Variants in PHAF1 observed in about 807,000 individuals in gnomAD.
The protein encoded by PHAF1 is phagosome assembly factor 1.
A neutral mutation model predicts 63.1 loss-of-function variants in PHAF1; 23 were observed. That is an observed-to-expected ratio of 0.36 (90% confidence interval 0.26 to 0.52). The LOEUF is 0.52. PHAF1 is among the 20% of genes least tolerant of loss of function. PHAF1 has a pLI of 0.93. For missense variants in PHAF1, 427 were observed against 517.2 expected, an observed-to-expected ratio of 0.83 and a Z score of 1.69; for synonymous variants, 167 against 185.0, an observed-to-expected ratio of 0.90 and a Z score of 0.79.
At chr16:67,132,256 C>T in intron 4 of PHAF1, 190 bp from the exon 5 acceptor site, 3 of 571,830 alleles carry the variant, frequency 5.2e-6, no homozygotes. Flanking sequence ...ATATCAGCCT[C>T]ATGAGAACTG....
intron 10 of PHAF1, among the ~76,000 whole-genome samples, chr16:67,140,860 T>G (rs1364564394): frequency 6.6e-6 from 1 of 152,220 alleles, no homozygotes; most frequent in Non-Finnish European, 1.5e-5. Context: ...ATGGAGGCCT[T>G]GGAAATCATT....
At chr16:67,122,036 C>CT (rs1414145585) in intron 2 of PHAF1, among the ~76,000 whole-genome samples, 2 of 151,502 alleles carry the variant, frequency 1.3e-5, no homozygotes, top group Non-Finnish European at 2.9e-5. Flanking sequence ...TAGCTGGGAC[C>CT]ACAGGTTCAT....
Position 67,122,222 on chromosome 16 carries a change from A to G in PHAF1, c.147+2028A>G, listed in dbSNP as rs530347585. Among the ~76,000 whole-genome samples the G allele has an allele frequency of 5.7e-4, 87 of 152,282 alleles. 1 individual carries two copies. The highest frequency in any genetic ancestry group is 1.1e-3 in the Non-Finnish European group (73 of 68,018). On this transcript the variant is annotated intron_variant, in intron 2 of 15. Coordinates refer to ENST00000219139, the MANE Select transcript of PHAF1 (RefSeq NM_025187.5). ...GCCAAAATGTATTTCTTATATCACC[A>G]TCATCATTGTCTGTTATTCCAGTAT...
At chr16:67,114,537 G>A (rs1267478123) in intron 1 of PHAF1, among the ~76,000 whole-genome samples, 1 of 149,708 alleles carries the variant, frequency 6.7e-6, no homozygotes, top group Non-Finnish European at 1.5e-5. Flanking sequence ...AACAGGAGCT[G>A]GAAATCTTCC....
Position 67,110,189 on chromosome 16 carries a change from AG to A in PHAF1, c.16del (p.Val6Ter), listed in dbSNP as rs1463788531. ...CGAGCCGAACCAATGCTGGACCTGG[AG>A]GTAGTGCCCGAACGCTCTCTGGGGA... MLDL[E>X]VVPERSLGNE... On this transcript the variant is annotated frameshift_variant, in exon 1 of 16. Transcript: ENST00000219139. LOFTEE classifies it high-confidence loss of function. 6.4e-7 allele frequency: 1 copy of A among 1,552,638 alleles called. No individual in the cohort carries two copies. Among genetic ancestry groups the A allele is most frequent in the Non-Finnish European group, 8.7e-7 (1 of 1,147,722 alleles).
At chr16:67,121,185 C>A (rs966059420) in intron 2 of PHAF1, among the ~76,000 whole-genome samples, 1 of 151,010 alleles carries the variant, frequency 6.6e-6, no homozygotes, top group Non-Finnish European at 1.5e-5. Context: ...TAGGAGTGGG[C>A]AGGGGTTTCT....
Position 67,125,993 on chromosome 16 carries a change from C to T in PHAF1, c.182C>T (p.Thr61Ile), listed in dbSNP as rs762898305. The T allele has an allele frequency of 1.2e-6, 2 of 1,612,874 alleles. No homozygotes were observed. Among genetic ancestry groups the T allele is most frequent in the South Asian group, 2.2e-5 (2 of 91,064 alleles). The change falls in exon 3 of 16, where the codon ACT (threonine) becomes ATT (isoleucine). Residue 61 changes from threonine to isoleucine, a missense_variant. Physicochemically the swap from Thr to Ile is moderately conservative, Grantham distance 89. Coordinates refer to ENST00000219139, the MANE Select transcript of PHAF1 (RefSeq NM_025187.5). ...AGCCATGACCTCATTCTTAACCTGACTCAGGACGGGATCAAACTAATGTTT... is the reference window on the plus strand; with the variant it reads ...AGCCATGACCTCATTCTTAACCTGATTCAGGACGGGATCAAACTAATGTTT... ...PLSHDLILNL[T>I]QDGIKLMFDA...
In PHAF1 at chr16:67,117,199, A is replaced by ATTTTT. The variant is rs750308105; in HGVS notation, c.65-2894_65-2890dup. On this transcript the variant is annotated intron_variant, in intron 1 of 15. Transcript: ENST00000219139. ...AGGCACACACCACCATGCCCAGCTA[A>ATTTTT]TTTTTTTTTTTTTTTTTTTTTTTGT... Among the ~76,000 whole-genome samples, 376 of 111,940 alleles carry ATTTTT rather than the reference A, an allele frequency of 3.4e-3. 5 individuals carry two copies. The highest frequency in any genetic ancestry group is 0.014 in the African/African-American group (346 of 25,106). The allele number at this position is 111,940 out of a possible 152,430, so 73.4% of individuals were successfully genotyped here.
At chr16:67,126,619 A>T (rs1597197467) in intron 3 of PHAF1, among the ~76,000 whole-genome samples, 2 of 130,266 alleles carry the variant, frequency 1.5e-5, no homozygotes. Context: ...TTTTGAGATG[A>T]GGTCTAGCTC....
intron 10 of PHAF1, among the ~76,000 whole-genome samples, chr16:67,143,399 G>A (rs933738472): frequency 4.6e-5 from 7 of 152,058 alleles, no homozygotes; most frequent in Admixed American, 6.5e-5. Context: ...TTAGCCGGGC[G>A]TGGTGGTGTG....
chr16:67,133,497 ATAT>A (rs1963485064), intron 6 of PHAF1, among the ~76,000 whole-genome samples: 1 of 147,292 alleles, frequency 6.8e-6, no homozygotes, highest in Non-Finnish European at 1.5e-5. Flanking sequence ...TCTACCAAAA[ATAT>A]TAAAAAAAAA....
intron 10 of PHAF1, among the ~76,000 whole-genome samples, chr16:67,142,938 G>A (rs1002848382): frequency 1.3e-5 from 2 of 152,226 alleles, no homozygotes; most frequent in African/African-American, 4.8e-5. Context: ...ATAGGTGACA[G>A]GGAAGATGGA....
intron 5 of PHAF1, 60 bp downstream of exon 5, chr16:67,132,585 C>T: frequency 6.6e-7 from 1 of 1,520,798 alleles, no homozygotes. Context: ...AATAAACCTG[C>T]CCGGTAGTGC....
chr16:67,140,606 T>C lies in PHAF1; in HGVS notation c.879+12T>C. The C allele has an allele frequency of 3.2e-6, 5 of 1,550,688 alleles. No individual in the cohort carries two copies. The highest frequency in any genetic ancestry group is 4.5e-6 in the Non-Finnish European group (5 of 1,122,410). On this transcript the variant is annotated intron_variant, in intron 10 of 15. Coordinates refer to ENST00000219139, the MANE Select transcript of PHAF1 (RefSeq NM_025187.5). ...TCACTCTTGGAGTGGTAAGTTGTGA[T>C]TCCTCAGAGAAGCCCTTCATTTCTA...
At chr16:67,123,291 A>T (rs970706913) in intron 2 of PHAF1, among the ~76,000 whole-genome samples, 1 of 151,670 alleles carries the variant, frequency 6.6e-6, no homozygotes, top group Non-Finnish European at 1.5e-5. Flanking sequence ...AAAAAAAAAA[A>T]TTTGGCCAGG....
intron 10 of PHAF1, among the ~76,000 whole-genome samples, chr16:67,142,003 A>ATT (rs1350478303): frequency 6.6e-6 from 1 of 152,204 alleles, no homozygotes; most frequent in African/African-American, 2.4e-5. Flanking sequence ...GCCAGGAAGA[A>ATT]TGAGGTATGC....
intron 1 of PHAF1, among the ~76,000 whole-genome samples, chr16:67,113,122 A>G (rs1168867573): frequency 6.6e-6 from 1 of 152,228 alleles, no homozygotes; most frequent in Non-Finnish European, 1.5e-5. Context: ...ATGATAAACA[A>G]AAGTCGCCAA....
At position 67,111,081 on chromosome 16, in the gene PHAF1, T is replaced by A. The variant is rs943368881; in HGVS notation, c.64+842T>A. On this transcript the variant is annotated intron_variant, in intron 1 of 15. Coordinates refer to ENST00000219139, the MANE Select transcript of PHAF1 (RefSeq NM_025187.5). ...CGCCCACCTCGGCCTCCCAAAGTGC[T>A]GGGATTACAGGCGTGAGCCACTGCA... 5.3e-5 allele frequency among the ~76,000 whole-genome samples: 8 copies of A among 152,336 alleles called. No individual in the cohort carries two copies. In the East Asian group the frequency reaches 9.6e-4, roughly 18 times the overall value.
Position 67,134,150 on chromosome 16 carries a change from C to T in PHAF1, c.451-18C>T. 6.2e-7 allele frequency: 1 copy of T among 1,604,874 alleles called. No individual in the cohort carries two copies. Among genetic ancestry groups the T allele is most frequent in the Non-Finnish European group, 8.5e-7 (1 of 1,172,162 alleles). On this transcript the variant is annotated intron_variant, in intron 6 of 15. Transcript: ENST00000219139. Reference sequence around the variant, plus strand: ...CACCTGTTGTGCCCTAAGTAAAACTCTTGACCTTTGTTTGCAGCCCAATTT... The same window carrying T: ...CACCTGTTGTGCCCTAAGTAAAACTTTTGACCTTTGTTTGCAGCCCAATTT...
Sources: allele counts gnomAD v4.1 joint callset (sites outside exome capture counted in the v4.1 genomes callset), GRCh38; gene constraint gnomAD v4.1.1; transcripts MANE v1.5; gene names NCBI Gene and HGNC (gene_info 2026-07-23, HGNC 2026-07-21).